MOB1B: variants seen among roughly 807,000 people sequenced by gnomAD.
MOB1B encodes the protein MOB kinase activator 1B.
A neutral mutation model predicts 24.4 loss-of-function variants in MOB1B; 19 were observed. That is an observed-to-expected ratio of 0.78 (90% CI 0.54 to 1.14). The LOEUF (loss-of-function observed/expected upper bound fraction) is 1.14, where lower values mean the gene tolerates loss of function less well. Among genes scored for constraint, MOB1B ranks in the 50% most tolerant of loss-of-function variants. The pLI, the probability that MOB1B is intolerant of heterozygous loss-of-function variation, is 0.00. For missense variants in MOB1B, 243 were observed against 259.6 expected, an observed-to-expected ratio of 0.94 and a Z score of 0.44; for synonymous variants, 76 against 82.1, an observed-to-expected ratio of 0.93 and a Z score of 0.40.
At chr4:70,909,143 G>T (rs1735878950) in intron 1 of MOB1B, among the ~76,000 whole-genome samples, 1 of 151,866 alleles carries the variant, frequency 6.6e-6, no homozygotes. Flanking sequence ...ACTCTTGATG[G>T]TGCTATGTTT....
chr4:70,928,052 A>G (rs1401438820), intron 1 of MOB1B, among the ~76,000 whole-genome samples: 1 of 151,898 alleles, frequency 6.6e-6, no homozygotes, highest in Non-Finnish European at 1.5e-5. Context: ...TCTTTAGCTC[A>G]GGAGCCAACT....
At chr4:70,961,781 C>A (rs1738315019) in intron 2 of MOB1B, among the ~76,000 whole-genome samples, 1 of 152,182 alleles carries the variant, frequency 6.6e-6, no homozygotes, top group Non-Finnish European at 1.5e-5. Context: ...AGGACAGATA[C>A]TTCCAGTCAC....
intron 1 of MOB1B, among the ~76,000 whole-genome samples, chr4:70,908,190 T>G (rs903446138): frequency 6.6e-6 from 1 of 151,554 alleles, no homozygotes; most frequent in Non-Finnish European, 1.5e-5. Context: ...CATGCCCGGC[T>G]ACTTTTTTTT....
At chr4:70,946,593 C>T (rs1314206864) in intron 1 of MOB1B, among the ~76,000 whole-genome samples, 1 of 152,078 alleles carries the variant, frequency 6.6e-6, no homozygotes. Context: ...TGTAAATATG[C>T]ATATATATAG....
rs563324973 is a variant in MOB1B at position 70,934,364 on chromosome 4, G to A, written c.15-24510G>A. Among the ~76,000 whole-genome samples, 377 of 152,088 alleles carry A rather than the reference G, an allele frequency of 2.5e-3. 1 individual carries two copies. The highest frequency in any genetic ancestry group is 4.4e-3 in the Non-Finnish European group (300 of 68,018). On this transcript the variant is annotated intron_variant, in intron 1 of 5. Coordinates refer to ENST00000309395, the MANE Select transcript of MOB1B (RefSeq NM_173468.4). ...GCCTCCCAAAGTGCTGGAATTACAGGCATGAGCCACTGTGCCCGGCCCCAT... is the reference window on the plus strand; with the variant it reads ...GCCTCCCAAAGTGCTGGAATTACAGACATGAGCCACTGTGCCCGGCCCCAT...
intron 1 of MOB1B, among the ~76,000 whole-genome samples, chr4:70,945,428 T>A (rs2148887114): frequency 6.6e-6 from 1 of 152,332 alleles, no homozygotes; most frequent in Middle Eastern, 3.4e-3. Context: ...GTGCTTGGAT[T>A]TTGTTTGTTC....
rs532267556 is a variant in MOB1B, at chr4:70,919,555, G to T, written c.14+17005G>T. 1.0e-3 allele frequency among the ~76,000 whole-genome samples: 156 copies of T among 152,164 alleles called. 1 individual carries two copies. Among genetic ancestry groups the T allele is most frequent in the Non-Finnish European group, 1.2e-3 (85 of 68,028 alleles). The stretch of plus-strand genomic sequence containing the variant: ...GCTCTGTTGCCCAGGCTGGAGTGCA[G>T]TGGCGCTATCTCGGCTCACTGCAAC... On this transcript the variant is annotated intron_variant, in intron 1 of 5. Coordinates refer to ENST00000309395, the MANE Select transcript of MOB1B (RefSeq NM_173468.4).
At chr4:70,952,230 A>T (rs1737838440) in intron 1 of MOB1B, among the ~76,000 whole-genome samples, 3 of 152,010 alleles carry the variant, frequency 2.0e-5, no homozygotes, top group Admixed American at 2.0e-4. Context: ...AATATATATA[A>T]GGAAATACTA....
intron 2 of MOB1B, among the ~76,000 whole-genome samples, chr4:70,962,842 T>TA (rs1738359690): frequency 6.6e-6 from 1 of 151,756 alleles, no homozygotes; most frequent in Non-Finnish European, 1.5e-5. Context: ...CTACTAAAAA[T>TA]ACAAATAAAA....
intron 1 of MOB1B, among the ~76,000 whole-genome samples, chr4:70,924,522 G>T (rs564056940): frequency 7.9e-5 from 12 of 151,976 alleles, no homozygotes; most frequent in African/African-American, 2.7e-4. Context: ...TAGGGTACAC[G>T]AGCACAACGT....
intron 1 of MOB1B, among the ~76,000 whole-genome samples, chr4:70,921,864 T>C (rs894178469): frequency 2.0e-5 from 3 of 152,202 alleles, no homozygotes; most frequent in Non-Finnish European, 2.9e-5. Flanking sequence ...GCTTTGAATA[T>C]GAAAGTGTTA....
At position 70,984,071 on chromosome 4, in the gene MOB1B, G is replaced by C. The variant is rs556625015; in HGVS notation, c.*2014G>C. 6.6e-6 allele frequency: 1 copy of C among 152,652 alleles called. No homozygotes were observed. Among genetic ancestry groups the C allele is most frequent in the South Asian group, 2.1e-4 (1 of 4,826 alleles). 9.5% of individuals were successfully genotyped at this position (152,652 alleles called of 1,614,324 possible). On this transcript the variant is annotated 3_prime_UTR_variant, in exon 6 of 6. Transcript: ENST00000309395. ...GTAAAAAAGGAGTTGCAATAGCCAA[G>C]TATAGAGAGAATAGTGAAAAATTAA...
At chr4:70,959,640 C>T (rs959288839) in intron 2 of MOB1B, among the ~76,000 whole-genome samples, 6 of 152,200 alleles carry the variant, frequency 3.9e-5, no homozygotes, top group Non-Finnish European at 4.4e-5. Context: ...ACATACCACT[C>T]TCCTTTCTAC....
In MOB1B at chr4:70,968,203, A is replaced by G. The variant is rs528734150; in HGVS notation, c.182-1728A>G. Among the ~76,000 whole-genome samples the G allele has an allele frequency of 9.8e-4, 149 of 152,262 alleles. 1 individual carries two copies. The highest frequency in any genetic ancestry group is 3.3e-3 in the African/African-American group (138 of 41,568). ...TCAAAAGTCACAAATATATTTTTCTATGTTCTTTTAAACTTAATTGTCTTG... is the reference window on the plus strand; with the variant it reads ...TCAAAAGTCACAAATATATTTTTCTGTGTTCTTTTAAACTTAATTGTCTTG... On this transcript the variant is annotated intron_variant, in intron 2 of 5. Transcript: ENST00000309395.
At chr4:70,909,773 C>T (rs1198483265) in intron 1 of MOB1B, among the ~76,000 whole-genome samples, 1 of 151,828 alleles carries the variant, frequency 6.6e-6, no homozygotes, top group Non-Finnish European at 1.5e-5. Flanking sequence ...GCCACCCAGG[C>T]TGGAGTGCAG....
intron 1 of MOB1B, among the ~76,000 whole-genome samples, chr4:70,921,755 C>T (rs2148873585): frequency 6.6e-6 from 1 of 152,266 alleles, no homozygotes; most frequent in East Asian, 1.9e-4. Context: ...GATTCACCCA[C>T]CTTGGCCTCC....
chr4:70,971,296 G>C (rs141795420), intron 3 of MOB1B, among the ~76,000 whole-genome samples: 1 of 152,070 alleles, frequency 6.6e-6, no homozygotes, highest in Non-Finnish European at 1.5e-5. Context: ...ACCTGAGATC[G>C]GGAGGTTGAG....
At chr4:70,902,599 G>GC in intron 1 of MOB1B, 49 bp downstream of exon 1, 1 of 1,498,036 alleles carries the variant, frequency 6.7e-7, no homozygotes, top group Non-Finnish European at 8.9e-7. Flanking sequence ...GTGGACCTGG[G>GC]CCCCCGCCCG....
chr4:70,926,208 C>T lies in MOB1B; in HGVS notation c.14+23658C>T, dbSNP rs28495348. The stretch of plus-strand genomic sequence containing the variant: ...GCCATGTTGTCCAGGTGGTCTTGAA[C>T]TCCTGGGCTCAAGCAGTCCGTCCAC... On this transcript the variant is annotated intron_variant, in intron 1 of 5. Transcript: ENST00000309395. Among the ~76,000 whole-genome samples the T allele has an allele frequency of 7.4e-3, 1,117 of 151,520 alleles. 17 individuals are homozygous for T. The highest frequency in any genetic ancestry group is 0.024 in the African/African-American group (982 of 41,302).
Sources: allele counts gnomAD v4.1 joint callset (sites outside exome capture counted in the v4.1 genomes callset), GRCh38; gene constraint gnomAD v4.1.1; transcripts MANE v1.5; gene names NCBI Gene and HGNC (gene_info 2026-07-23, HGNC 2026-07-21).